Variants in ANKS1A observed in about 807,000 individuals in gnomAD.
ANKS1A encodes the protein ankyrin repeat and sterile alpha motif domain containing 1A.
A neutral mutation model predicts 120.3 loss-of-function variants in ANKS1A; 55 were observed. The observed-to-expected ratio is 0.46, with a 90% CI of 0.37 to 0.57. ANKS1A has a LOEUF of 0.57. Ranked by LOEUF, ANKS1A falls within the 20% of genes least tolerant of loss-of-function variation. The pLI, the probability that ANKS1A is intolerant of heterozygous loss-of-function variation, is 0.00. For missense variants in ANKS1A, 1,123 were observed against 1,480.3 expected, an observed-to-expected ratio of 0.76 and a Z score of 3.96; for synonymous variants, 590 against 604.7, an observed-to-expected ratio of 0.98 and a Z score of 0.36.
downstream of ANKS1A, among the ~76,000 whole-genome samples, chr6:35,092,043 G>T (rs1308692525): frequency 6.6e-6 from 1 of 152,182 alleles, no homozygotes; most frequent in Admixed American, 6.5e-5. Context: ...CACTGATGGA[G>T]CACCTGTGTT....
intron 9 of ANKS1A, among the ~76,000 whole-genome samples, chr6:34,991,509 G>T (rs1428341507): frequency 6.8e-6 from 1 of 146,084 alleles, no homozygotes; most frequent in African/African-American, 2.6e-5. Context: ...CAGAAATGTT[G>T]CTTTCCACAT....
At chr6:35,018,580 G>T (rs1774167434) in intron 11 of ANKS1A, among the ~76,000 whole-genome samples, 1 of 152,030 alleles carries the variant, frequency 6.6e-6, no homozygotes, top group Admixed American at 6.6e-5. Context: ...TACATGTGCA[G>T]GTTTGTTACA....
At chr6:35,001,520 A>G (rs1180700505) in intron 10 of ANKS1A, among the ~76,000 whole-genome samples, 6 of 152,204 alleles carry the variant, frequency 3.9e-5, no homozygotes, top group Non-Finnish European at 5.9e-5. Context: ...TCTCTCTGCT[A>G]TATCTCAAAG....
At chr6:34,979,088 G>A (rs1254989840) in intron 3 of ANKS1A, among the ~76,000 whole-genome samples, 2 of 151,972 alleles carry the variant, frequency 1.3e-5, no homozygotes, top group African/African-American at 2.4e-5. Context: ...GTGGAGACGG[G>A]GTTTCACTGT....
chr6:35,080,059 T>C (rs996491942), intron 16 of ANKS1A, 131 bp downstream of exon 16: 1 of 1,036,392 alleles, frequency 9.6e-7, no homozygotes, highest in Non-Finnish European at 1.4e-6. Context: ...AAGAGAGGAG[T>C]ACAGGAGAGG....
At chr6:34,916,370 A>G (rs1768165517) in intron 1 of ANKS1A, among the ~76,000 whole-genome samples, 1 of 152,192 alleles carries the variant, frequency 6.6e-6, no homozygotes, top group African/African-American at 2.4e-5. Flanking sequence ...CCAAGTCTCA[A>G]CCACAGTATA....
At chr6:34,906,694 G>A (rs1767663813) in intron 1 of ANKS1A, among the ~76,000 whole-genome samples, 2 of 152,212 alleles carry the variant, frequency 1.3e-5, no homozygotes, top group Admixed American at 1.3e-4. Context: ...GAATGAAATT[G>A]GGTGAAAGCT....
At chr6:35,008,680 A>G (rs1304322889) in intron 10 of ANKS1A, among the ~76,000 whole-genome samples, 2 of 152,216 alleles carry the variant, frequency 1.3e-5, no homozygotes, top group African/African-American at 4.8e-5. Flanking sequence ...ATATGTATTG[A>G]CAGCCATTTA....
chr6:34,924,524 G>A (rs2127468377), intron 1 of ANKS1A, among the ~76,000 whole-genome samples: 1 of 152,208 alleles, frequency 6.6e-6, no homozygotes, highest in African/African-American at 2.4e-5. Flanking sequence ...CAGCACTACT[G>A]TTTCTGTAGG....
chr6:35,084,439 A>C lies in ANKS1A; in HGVS notation c.3132+181A>C, dbSNP rs1777856814. ...GTCCCCTTTCACAGTGATGAGACTG[A>C]CGCGCAGAGGGAACAGGGACTGGCC... On this transcript the variant is annotated intron_variant, in intron 21 of 23. Coordinates refer to ENST00000360359, the MANE Select transcript of ANKS1A (RefSeq NM_015245.3). The surrounding 1 kb of genome is among the most constrained non-coding windows in gnomAD (Gnocchi z 4.8). Among the ~76,000 whole-genome samples, 1 of 150,744 alleles carries C rather than the reference A, an allele frequency of 6.6e-6. No homozygotes were observed. Among genetic ancestry groups the C allele is most frequent in the Admixed American group, 6.6e-5 (1 of 15,200 alleles).
intron 9 of ANKS1A, among the ~76,000 whole-genome samples, chr6:34,991,244 C>A (rs1380669011): frequency 1.3e-5 from 2 of 152,110 alleles, no homozygotes; most frequent in African/African-American, 4.8e-5. Flanking sequence ...GATTAATGAC[C>A]TGATCATGAA....
chr6:35,070,042 A>AG (rs1437741695), intron 13 of ANKS1A, among the ~76,000 whole-genome samples: 8 of 150,486 alleles, frequency 5.3e-5, no homozygotes, highest in African/African-American at 2.0e-4. Context: ...AAAAAAAAAA[A>AG]AGAGACTGGG....
At chr6:34,985,470 A>G (rs1041872976) in intron 8 of ANKS1A, among the ~76,000 whole-genome samples, 192 bp downstream of exon 8, 1 of 152,192 alleles carries the variant, frequency 6.6e-6, no homozygotes, top group Non-Finnish European at 1.5e-5. Context: ...TCTACAGATC[A>G]CACTGAGGTT....
rs1427923235 is a variant in ANKS1A, at chr6:35,017,405, G to A, written c.1424-68G>A. 4 of 1,499,706 alleles carry A rather than the reference G, an allele frequency of 2.7e-6. No individual in the cohort carries two copies. The African/African-American group carries it at 4.2e-5, about 16-fold the overall frequency. 92.9% of individuals were successfully genotyped at this position (1,499,706 alleles called of 1,614,324 possible). ...TCCTCTGCTTTGCCATATGCTTGCT[G>A]CATTGGAACTTTGTTGATTTTTGCC... On this transcript the variant is annotated intron_variant, in intron 10 of 23. Transcript: ENST00000360359.
intron 3 of ANKS1A, among the ~76,000 whole-genome samples, chr6:34,980,697 C>T (rs1336851586): frequency 6.6e-6 from 1 of 152,184 alleles, no homozygotes. Context: ...GAATTATTTT[C>T]ATCAGTGCTT....
At position 35,082,571 on chromosome 6, in the gene ANKS1A, C is replaced by T. The variant is rs1229853621; in HGVS notation, c.2710-120C>T. On this transcript the variant is annotated intron_variant, in intron 17 of 23. Coordinates refer to ENST00000360359, the MANE Select transcript of ANKS1A (RefSeq NM_015245.3). This position sits in a 1 kb window ranked among gnomAD's most constrained non-coding sequence, Gnocchi z 4.1. ...TGGTCTGCCCCCTGCCATCTCCACTCGACCCTTGAACTTGCTAAGGTCACT... is the reference window on the plus strand; with the variant it reads ...TGGTCTGCCCCCTGCCATCTCCACTTGACCCTTGAACTTGCTAAGGTCACT... 8.3e-6 allele frequency: 11 copies of T among 1,325,496 alleles called. No homozygotes were observed. The highest frequency in any genetic ancestry group is 1.1e-5 in the Non-Finnish European group (11 of 990,974). 82.1% of individuals were successfully genotyped at this position (1,325,496 alleles called of 1,614,324 possible).
chr6:34,936,048 C>G (rs915485082), intron 1 of ANKS1A, among the ~76,000 whole-genome samples: 1 of 115,844 alleles, frequency 8.6e-6, no homozygotes, highest in South Asian at 2.7e-4. Flanking sequence ...GGCGACAGAG[C>G]GAGACTCCGT....
At chr6:35,075,907 C>T (rs944551952) in intron 13 of ANKS1A, among the ~76,000 whole-genome samples, 9 of 152,152 alleles carry the variant, frequency 5.9e-5, no homozygotes, top group African/African-American at 1.9e-4. Context: ...ACCACAGCTG[C>T]GCACCACCAT....
chr6:34,967,151 C>A, intron 1 of ANKS1A, 88 bp from the exon 2 acceptor site: 1 of 1,311,942 alleles, frequency 7.6e-7, no homozygotes, highest in Non-Finnish European at 1.1e-6. Context: ...ACACAGAAAT[C>A]TTTACTAATT....
Sources: allele counts gnomAD v4.1 joint callset (sites outside exome capture counted in the v4.1 genomes callset), GRCh38; gene constraint gnomAD v4.1.1; non-coding constraint Gnocchi (gnomAD v3.1); transcripts MANE v1.5; gene names NCBI Gene and HGNC (gene_info 2026-07-23, HGNC 2026-07-21).